The following LAMA2 variants were observed in gnomAD, a reference collection of about 807,000 sequenced individuals.
The protein encoded by LAMA2 is laminin subunit alpha 2.
LAMA2 carries 269 observed loss-of-function variants against 364.8 expected under a neutral mutation model. The ratio of observed to expected loss-of-function variants is 0.74; its 90% CI spans 0.67 to 0.82. The LOEUF (loss-of-function observed/expected upper bound fraction) is 0.82, where lower values mean the gene tolerates loss of function less well. Ranked by LOEUF, LAMA2 falls within the 40% of genes least tolerant of loss-of-function variation. The pLI is 0.00. For missense variants in LAMA2, 3,807 were observed against 3,873.2 expected (o/e 0.98, Z 0.45); for synonymous variants, 1,379 against 1,370.6 (o/e 1.01, Z -0.14).
Position 129,487,248 on chromosome 6 carries a change from C to A in LAMA2, c.7898+626C>A, listed in dbSNP as rs144394186. Among the ~76,000 whole-genome samples, 7 of 152,320 alleles carry A rather than the reference C, an allele frequency of 4.6e-5. No individual in the cohort carries two copies. In the East Asian group the frequency reaches 1.4e-3, roughly 29 times the overall value. ...AAATCTACCAGAGTGCTTGCCCCAG[C>A]CCTGGGCCAGGGAATTGGCTTTACT... On this transcript the variant is annotated intron_variant, in intron 56 of 64. Transcript: ENST00000421865.
intron 12 of LAMA2, among the ~76,000 whole-genome samples, chr6:129,197,005 T>C (rs562638837): frequency 6.6e-6 from 1 of 151,950 alleles, no homozygotes; most frequent in Non-Finnish European, 1.5e-5. Context: ...CCCTTTGGAG[T>C]TTAGACACCA....
At chr6:129,380,427 A>G (rs1778614479) in intron 34 of LAMA2, among the ~76,000 whole-genome samples, 1 of 152,230 alleles carries the variant, frequency 6.6e-6, no homozygotes, top group South Asian at 2.1e-4. Flanking sequence ...TAAACAAAAC[A>G]GACCAAGTTC....
At chr6:129,515,406 C>A (rs904400410) in intron 64 of LAMA2, among the ~76,000 whole-genome samples, 2 of 152,174 alleles carry the variant, frequency 1.3e-5, no homozygotes, top group East Asian at 1.9e-4. Flanking sequence ...TTAAAAAGAT[C>A]TTTTGCTTCA....
intron 12 of LAMA2, among the ~76,000 whole-genome samples, chr6:129,240,562 T>G (rs759862054): frequency 1.3e-5 from 2 of 152,208 alleles, no homozygotes; most frequent in Non-Finnish European, 2.9e-5. Context: ...ATCAACATCC[T>G]GGTCACACCT....
rs185821862 is a variant in LAMA2 at position 129,328,154 on chromosome 6, A to C, written c.4177-124A>C. On this transcript the variant is annotated intron_variant, in intron 28 of 64. Transcript: ENST00000421865. ...ATCAAAATCGGCACTTGCGTTTGTA[A>C]GTGATGTTGCCCCTGCCGCAGGTGG... 214 of 828,862 alleles carry C rather than the reference A, an allele frequency of 2.6e-4. No homozygotes were observed. The African/African-American group carries it at 3.1e-3, about 12-fold the overall frequency. 51.3% of individuals were successfully genotyped at this position (828,862 alleles called of 1,614,324 possible).
Position 129,503,182 on chromosome 6 carries a change from C to A in LAMA2, c.8449C>A (p.Gln2817Lys), listed in dbSNP as rs2114891268. The change falls in exon 60 of 65, where the codon CAG becomes AAG. Residue 2817 changes from glutamine (Q) to lysine (K), a missense_variant. By Grantham distance (53) the Gln-to-Lys change is moderately conservative (BLOSUM62 1). Coordinates refer to ENST00000421865, the MANE Select transcript of LAMA2 (RefSeq NM_000426.4). ...RINHADFATVQLRNGLPYFSY... is the reference protein window; with the variant it reads ...RINHADFATVKLRNGLPYFSY... Reference sequence around the variant, plus strand: ...CAATCATGCTGATTTTGCAACAGTTCAGCTGAGAAATGGATTGCCCTACTT... The same window carrying A: ...CAATCATGCTGATTTTGCAACAGTTAAGCTGAGAAATGGATTGCCCTACTT... 1 of 1,614,078 alleles carries A rather than the reference C, an allele frequency of 6.2e-7. No individual in the cohort carries two copies. The highest frequency in any genetic ancestry group is 2.2e-5 in the East Asian group (1 of 44,878).
intron 28 of LAMA2, among the ~76,000 whole-genome samples, chr6:129,321,799 A>G (rs1000662743): frequency 2.0e-5 from 3 of 152,204 alleles, no homozygotes; most frequent in African/African-American, 7.2e-5. Flanking sequence ...GGTACATGAG[A>G]CAGATGATTC....
rs2114676239 is a variant in LAMA2, at chr6:128,998,504, G to A, written c.113-51414G>A. Among the ~76,000 whole-genome samples, 3 of 111,514 alleles carry A rather than the reference G, an allele frequency of 2.7e-5. 1 individual carries two copies. Among genetic ancestry groups the A allele is most frequent in the Admixed American group, 2.4e-4 (3 of 12,334 alleles). 73.2% of individuals were successfully genotyped at this position (111,514 alleles called of 152,430 possible). ...TGAGGTACCGGGTTCATCTCACTAG[G>A]GAGTGCCAGACAGTGGGCGCAGGCC... On this transcript the variant is annotated intron_variant, in intron 1 of 64. Transcript: ENST00000421865.
At chr6:129,499,277 T>C (rs923828568) in intron 58 of LAMA2, among the ~76,000 whole-genome samples, 1 of 152,052 alleles carries the variant, frequency 6.6e-6, no homozygotes, top group East Asian at 1.9e-4. Flanking sequence ...TTTTTTTTTA[T>C]TATTATTGTT....
chr6:129,012,328 TTTG>T (rs1413122331), intron 1 of LAMA2, among the ~76,000 whole-genome samples: 2 of 152,148 alleles, frequency 1.3e-5, no homozygotes, highest in African/African-American at 4.8e-5. Flanking sequence ...AATATTATGC[TTTG>T]TTAAGTTATT....
At chr6:129,306,535 T>C (rs952953099) in intron 22 of LAMA2, among the ~76,000 whole-genome samples, 1 of 151,772 alleles carries the variant, frequency 6.6e-6, no homozygotes, top group African/African-American at 2.4e-5. Context: ...TGTCAGCCAT[T>C]ATATCTTTAA....
intron 42 of LAMA2, among the ~76,000 whole-genome samples, chr6:129,440,331 G>T (rs1782044062): frequency 6.6e-6 from 1 of 151,776 alleles, no homozygotes; most frequent in Non-Finnish European, 1.5e-5. Flanking sequence ...TCAGTAGTAA[G>T]TATATAGAAA....
At chr6:129,082,184 C>A (rs545862543) in intron 3 of LAMA2, among the ~76,000 whole-genome samples, 3 of 151,950 alleles carry the variant, frequency 2.0e-5, no homozygotes, top group African/African-American at 7.2e-5. Context: ...TTTCCAGTAC[C>A]TAAGTGGATA....
At chr6:128,949,796 A>G (rs1012698965) in intron 1 of LAMA2, among the ~76,000 whole-genome samples, 9 of 152,156 alleles carry the variant, frequency 5.9e-5, no homozygotes. Context: ...AAAATGTTCA[A>G]TTTTCACTAA....
chr6:129,404,022 A>C (rs940342667), intron 40 of LAMA2, 63 bp downstream of exon 40: 4 of 1,578,184 alleles, frequency 2.5e-6, no homozygotes, highest in Non-Finnish European at 3.5e-6. Context: ...TTTCAAATGT[A>C]AGTCAGTCTG....
At chr6:129,401,203 C>A in intron 37 of LAMA2, 21 bp from the exon 38 acceptor site, 2 of 1,448,450 alleles carry the variant, frequency 1.4e-6, no homozygotes, top group Non-Finnish European at 9.7e-7. Context: ...ATTTTGATGT[C>A]TTGTTCATAA....
intron 5 of LAMA2, among the ~76,000 whole-genome samples, chr6:129,146,602 G>C (rs1420125948): frequency 6.6e-6 from 1 of 151,928 alleles, no homozygotes; most frequent in East Asian, 1.9e-4. Flanking sequence ...AATAAAAGAG[G>C]GTTTCTTGCA....
intron 1 of LAMA2, among the ~76,000 whole-genome samples, chr6:128,888,298 G>T (rs1248078412): frequency 1.3e-5 from 2 of 152,164 alleles, no homozygotes; most frequent in African/African-American, 4.8e-5. Flanking sequence ...TATATGCATT[G>T]GAATGTGGTA....
chr6:129,197,677 C>G (rs1463307865), intron 12 of LAMA2, among the ~76,000 whole-genome samples: 1 of 152,182 alleles, frequency 6.6e-6, no homozygotes, highest in Non-Finnish European at 1.5e-5. Context: ...CCAAATAAAC[C>G]TCTAAATTGA....
Sources: gnomAD v4.1 joint callset for allele counts (sites outside exome capture counted in the v4.1 genomes callset) on GRCh38, gnomAD v4.1.1 for gene constraint, MANE v1.5 for transcripts, NCBI Gene and HGNC (gene_info 2026-07-23, HGNC 2026-07-21) for gene names.